Variants in RIMS2 observed in about 807,000 individuals in gnomAD.
RIMS2 encodes the protein regulating synaptic membrane exocytosis protein 2.
Under a neutral mutation model 174.4 loss-of-function variants are expected in RIMS2, and 59 were observed. That is an observed-to-expected ratio of 0.34 (90% CI 0.27 to 0.42). RIMS2 has a LOEUF of 0.42. Ranked by LOEUF, RIMS2 falls within the 10% of genes least tolerant of loss-of-function variation. RIMS2 has a pLI of 1.00. For synonymous variants in RIMS2, 606 were observed against 572.5 expected (o/e 1.06, Z -0.84); for missense variants, 1,620 against 1,666.3 (o/e 0.97, Z 0.48).
At chr8:103,610,694 G>A (rs1208284010) in intron 1 of RIMS2, among the ~76,000 whole-genome samples, 1 of 152,296 alleles carries the variant, frequency 6.6e-6, no homozygotes, top group Non-Finnish European at 1.5e-5. Flanking sequence ...TGATTGTGGT[G>A]GAGTAGCTTT....
chr8:103,572,752 A>G (rs1291604794), intron 1 of RIMS2, among the ~76,000 whole-genome samples: 1 of 151,826 alleles, frequency 6.6e-6, no homozygotes, highest in Non-Finnish European at 1.5e-5. Flanking sequence ...TAATGGGGTC[A>G]TTTATTTTTT....
At chr8:104,237,795 C>A (rs1214176817) in intron 19 of RIMS2, among the ~76,000 whole-genome samples, 1 of 152,040 alleles carries the variant, frequency 6.6e-6, no homozygotes, top group African/African-American at 2.4e-5. Context: ...GGCTATTTGT[C>A]TTTATTTTGT....
chr8:103,518,134 A>T (rs1256045826), intron 1 of RIMS2, among the ~76,000 whole-genome samples: 1 of 152,150 alleles, frequency 6.6e-6, no homozygotes, highest in African/African-American at 2.4e-5. Context: ...TTAATTATGA[A>T]TGTGTCAGGA....
At chr8:103,531,819 T>C (rs146719825) in intron 1 of RIMS2, among the ~76,000 whole-genome samples, 2 of 152,356 alleles carry the variant, frequency 1.3e-5, no homozygotes, top group Non-Finnish European at 2.9e-5. Flanking sequence ...AAGTTTGTAA[T>C]ACAGTCCATA....
intron 19 of RIMS2, among the ~76,000 whole-genome samples, chr8:104,126,957 T>C (rs2132664028): frequency 6.6e-6 from 1 of 152,276 alleles, no homozygotes; most frequent in East Asian, 1.9e-4. Context: ...TTTTCATCAG[T>C]GCTACCCTAA....
At chr8:103,868,704 AC>A (rs1198638359) in intron 3 of RIMS2, among the ~76,000 whole-genome samples, 2 of 152,046 alleles carry the variant, frequency 1.3e-5, no homozygotes, top group Non-Finnish European at 1.5e-5. Context: ...TCTTTGTAAA[AC>A]TTTTATCACT....
chr8:103,745,572 A>G (rs2097801484), intron 2 of RIMS2, among the ~76,000 whole-genome samples: 1 of 152,196 alleles, frequency 6.6e-6, no homozygotes, highest in Admixed American at 6.5e-5. Context: ...ATATCATTTT[A>G]CATTCCCACC....
At chr8:104,128,435 G>A (rs771102200) in intron 19 of RIMS2, among the ~76,000 whole-genome samples, 7 of 152,160 alleles carry the variant, frequency 4.6e-5, no homozygotes, top group African/African-American at 1.4e-4. Context: ...AGTGGTTCAC[G>A]CCTGTAATCC....
At chr8:103,628,973 C>G (rs576433489) in intron 1 of RIMS2, among the ~76,000 whole-genome samples, 1 of 152,288 alleles carries the variant, frequency 6.6e-6, no homozygotes, top group African/African-American at 2.4e-5. Context: ...AAAAACAAAG[C>G]AGCAACCTCT....
chr8:103,550,458 C>G (rs191583578), intron 1 of RIMS2, among the ~76,000 whole-genome samples: 57 of 152,104 alleles, frequency 3.7e-4, no homozygotes, highest in Admixed American at 3.6e-3. Context: ...TTAAAGCAAT[C>G]TATAGAGGGA....
intron 3 of RIMS2, among the ~76,000 whole-genome samples, chr8:103,799,487 A>G (rs3104253): frequency 0.82 from 124,398 of 152,064 alleles, 51,478 homozygotes; most frequent in African/African-American, 0.94. Context: ...GTCTATGTAG[A>G]TGTATAATTA....
intron 1 of RIMS2, among the ~76,000 whole-genome samples, chr8:103,611,115 G>A (rs977027607): frequency 2.0e-5 from 3 of 152,066 alleles, no homozygotes; most frequent in Non-Finnish European, 4.4e-5. Flanking sequence ...GTGCATAGAG[G>A]TGTTTGTAGT....
At chr8:104,026,502 G>A (rs368297962) in intron 19 of RIMS2, among the ~76,000 whole-genome samples, 2 of 152,052 alleles carry the variant, frequency 1.3e-5, no homozygotes, top group Admixed American at 6.6e-5. Context: ...AAAGCCTACC[G>A]TATCACCTAT....
intron 1 of RIMS2, among the ~76,000 whole-genome samples, chr8:103,609,973 C>G (rs1365325028): frequency 6.6e-6 from 1 of 151,956 alleles, no homozygotes; most frequent in Admixed American, 6.6e-5. Context: ...GTACGGAATG[C>G]CTTTCTATTT....
chr8:103,571,590 T>C (rs996499534), intron 1 of RIMS2, among the ~76,000 whole-genome samples: 1 of 152,236 alleles, frequency 6.6e-6, no homozygotes, highest in Non-Finnish European at 1.5e-5. Context: ...TATGTATATA[T>C]GTACCTACTA....
At chr8:104,170,351 G>A (rs1212756297) in intron 19 of RIMS2, among the ~76,000 whole-genome samples, 1 of 151,994 alleles carries the variant, frequency 6.6e-6, no homozygotes. Flanking sequence ...GGGATCTCCA[G>A]CATTAGGTGC....
intron 3 of RIMS2, among the ~76,000 whole-genome samples, chr8:103,800,452 T>C (rs1430489804): frequency 1.3e-5 from 2 of 152,196 alleles, no homozygotes; most frequent in African/African-American, 4.8e-5. Flanking sequence ...TCAAATGTGA[T>C]GTTAGCTATA....
At chr8:103,923,985 A>C (rs2078237338) in intron 10 of RIMS2, among the ~76,000 whole-genome samples, 1 of 151,720 alleles carries the variant, frequency 6.6e-6, no homozygotes, top group Admixed American at 6.6e-5. Context: ...AAATTGTTTT[A>C]ATAGCCATTT....
chr8:104,224,356 G>A (rs1370645693), intron 19 of RIMS2, among the ~76,000 whole-genome samples: 1 of 152,184 alleles, frequency 6.6e-6, no homozygotes, highest in Non-Finnish European at 1.5e-5. Flanking sequence ...TTAAGCTAAT[G>A]AAAAACACGA....
Sources: gnomAD v4.1 joint callset for allele counts (sites outside exome capture counted in the v4.1 genomes callset) on GRCh38, gnomAD v4.1.1 for gene constraint, MANE v1.5 for transcripts, NCBI Gene and HGNC (gene_info 2026-07-23, HGNC 2026-07-21) for gene names.